TENM3: variants seen among roughly 807,000 people sequenced by gnomAD.
TENM3 encodes teneurin transmembrane protein 3, also known as teneurin-3.
A neutral mutation model predicts 255.1 loss-of-function variants in TENM3; 63 were observed. The observed-to-expected ratio is 0.25, with a 90% confidence interval of 0.20 to 0.30. The LOEUF is 0.30. TENM3 is among the 10% of genes least tolerant of loss of function. The pLI is 1.00. For synonymous variants in TENM3, 1,306 were observed against 1,322.3 expected (o/e 0.99, Z 0.27); for missense variants, 2,929 against 3,461.1 (o/e 0.85, Z 3.86).
the TENM3 span, among the ~76,000 whole-genome samples, chr4:181,757,616 C>T: frequency 3.3e-5 from 5 of 152,236 alleles, no homozygotes; most frequent in South Asian, 2.1e-4. Context: ...AGCTGGTGTA[C>T]GCGACACAGT....
chr4:181,753,413 G>T, the TENM3 span, among the ~76,000 whole-genome samples: 3 of 152,132 alleles, frequency 2.0e-5, no homozygotes, highest in Non-Finnish European at 2.9e-5. Context: ...CAGGCAGCAG[G>T]CTGTACAGAT....
At chr4:181,605,342 G>T in the TENM3 span, among the ~76,000 whole-genome samples, 1 of 151,584 alleles carries the variant, frequency 6.6e-6, no homozygotes, top group African/African-American at 2.4e-5. Context: ...CTACTCCAGA[G>T]GCTGAGGCAG....
chr4:182,598,769 T>G (rs897596350), intron 3 of TENM3, among the ~76,000 whole-genome samples: 1 of 152,190 alleles, frequency 6.6e-6, no homozygotes, highest in African/African-American at 2.4e-5. Flanking sequence ...TTTCACTGAA[T>G]CCTTACAATT....
At chr4:181,950,592 T>C in the TENM3 span, among the ~76,000 whole-genome samples, 4 of 152,208 alleles carry the variant, frequency 2.6e-5, no homozygotes, top group African/African-American at 9.6e-5. Flanking sequence ...CCCAGCACCC[T>C]GGACAGTGCC....
chr4:182,075,741 A>G, the TENM3 span, among the ~76,000 whole-genome samples: 4 of 152,184 alleles, frequency 2.6e-5, no homozygotes, highest in African/African-American at 9.6e-5. Flanking sequence ...TGAATTTCAA[A>G]TGTTTCAGCC....
the TENM3 span, among the ~76,000 whole-genome samples, chr4:181,564,322 C>T: frequency 1.3e-5 from 2 of 152,144 alleles, no homozygotes; most frequent in East Asian, 1.9e-4. Flanking sequence ...GGTTACTAAA[C>T]ACACGACTAA....
At chr4:182,113,121 G>T in the TENM3 span, among the ~76,000 whole-genome samples, 1 of 152,136 alleles carries the variant, frequency 6.6e-6, no homozygotes, top group African/African-American at 2.4e-5. Flanking sequence ...TGATTAAATG[G>T]TTTGCAAAAT....
Position 182,800,365 on chromosome 4 carries a change from C to A in TENM3, c.*14C>A. On this transcript the variant is annotated 3_prime_UTR_variant, in exon 28 of 28. Transcript: ENST00000511685. ...GGCAGGAGGTAACGCCCGGGCCGCG[C>A]CCGCCGAGCCGCTCACGCCCTGCCC... 1.9e-6 allele frequency: 3 copies of A among 1,538,658 alleles called. No individual in the cohort carries two copies. The highest frequency in any genetic ancestry group is 1.7e-6 in the Non-Finnish European group (2 of 1,151,490).
the TENM3 span, among the ~76,000 whole-genome samples, chr4:182,124,615 G>T: frequency 6.6e-6 from 1 of 152,178 alleles, no homozygotes; most frequent in Non-Finnish European, 1.5e-5. Flanking sequence ...CTGAAAAGGC[G>T]TGGCCAGTAT....
chr4:181,660,870 T>G, the TENM3 span, among the ~76,000 whole-genome samples: 1 of 152,178 alleles, frequency 6.6e-6, no homozygotes, highest in East Asian at 1.9e-4. Flanking sequence ...TCAAATACTT[T>G]CAAAGTCTGT....
At chr4:181,962,388 T>C in the TENM3 span, among the ~76,000 whole-genome samples, 1 of 152,228 alleles carries the variant, frequency 6.6e-6, no homozygotes, top group Non-Finnish European at 1.5e-5. Context: ...ACTCAGGGTC[T>C]GCCCTCTCTG....
In TENM3 at chr4:182,672,965, A is replaced by T. The variant is rs758256113; in HGVS notation, c.1112-40A>T. ...AAACCTTTTTTGTTTTGTTTTTTTA[A>T]AAAAAATTTGTTCTTCATCAGTGCA... On this transcript the variant is annotated intron_variant, in intron 6 of 27. Coordinates refer to ENST00000511685, the MANE Select transcript of TENM3 (RefSeq NM_001080477.4). 5.1e-5 allele frequency: 71 copies of T among 1,391,432 alleles called. 1 individual carries two copies. Among genetic ancestry groups the T allele is most frequent in the South Asian group, 2.2e-4 (16 of 71,228 alleles). The allele number at this position is 1,391,432 out of a possible 1,614,324, so 86.2% of individuals were successfully genotyped here. A position where few individuals can be genotyped will look rare whatever the true frequency, so the allele number is the denominator to read the frequency against.
the TENM3 span, among the ~76,000 whole-genome samples, chr4:181,519,318 T>A: frequency 1.3e-5 from 2 of 152,244 alleles, no homozygotes. Flanking sequence ...AACTTAATTA[T>A]GAATAAAGAT....
the TENM3 span, among the ~76,000 whole-genome samples, chr4:181,516,705 G>C: frequency 3.3e-5 from 5 of 152,052 alleles, no homozygotes; most frequent in Admixed American, 6.5e-5. Flanking sequence ...GAACTCGGGA[G>C]GGGGAGGTTG....
chr4:182,277,599 T>A (rs2063905), intron 1 of TENM3, among the ~76,000 whole-genome samples: 4 of 152,110 alleles, frequency 2.6e-5, no homozygotes, highest in African/African-American at 7.2e-5. Context: ...CCCTTCTGGC[T>A]GTGTTGTTAG....
chr4:181,452,063 G>A, the TENM3 span, among the ~76,000 whole-genome samples: 1 of 152,090 alleles, frequency 6.6e-6, no homozygotes, highest in Non-Finnish European at 1.5e-5. Flanking sequence ...ATTTCAATAT[G>A]GTGCTAAAAG....
At chr4:182,454,826 C>T (rs1264499759) in intron 3 of TENM3, among the ~76,000 whole-genome samples, 4 of 152,074 alleles carry the variant, frequency 2.6e-5, no homozygotes, top group Non-Finnish European at 5.9e-5. Context: ...TTATTAAACG[C>T]AGTACAAGAG....
intron 27 of TENM3, among the ~76,000 whole-genome samples, chr4:182,797,008 C>T (rs1046970875): frequency 5.9e-5 from 9 of 152,166 alleles, no homozygotes; most frequent in South Asian, 4.1e-4. Context: ...AGCTCACTTT[C>T]GAGTGCTGGG....
intron 1 of TENM3, chr4:182,144,840 A>C (rs1749813604): frequency 6.6e-6 from 1 of 150,832 alleles, no homozygotes; most frequent in Admixed American, 6.6e-5. Flanking sequence ...GGCGGGCGCG[A>C]GCTGGGACGG....
Sources: allele counts gnomAD v4.1 joint callset (sites outside exome capture counted in the v4.1 genomes callset), GRCh38; gene constraint gnomAD v4.1.1; transcripts MANE v1.5; gene names NCBI Gene and HGNC (gene_info 2026-07-23, HGNC 2026-07-21).